The following PLEKHA7 variants were observed in gnomAD, a reference collection of about 807,000 sequenced individuals.
PLEKHA7 encodes the protein pleckstrin homology domain-containing family A member 7.
A neutral mutation model predicts 170.0 loss-of-function variants in PLEKHA7; 104 were observed. That is an observed-to-expected ratio of 0.61 (90% CI 0.52 to 0.72). The LOEUF (loss-of-function observed/expected upper bound fraction) is 0.72, where lower values mean the gene tolerates loss of function less well. Ranked by LOEUF, PLEKHA7 falls within the 30% of genes least tolerant of loss-of-function variation. The pLI is 0.00. For missense variants in PLEKHA7, 1,615 were observed against 1,671.7 expected (o/e 0.97, Z 0.59); for synonymous variants, 648 against 660.8 (o/e 0.98, Z 0.30).
chr11:16,910,369 T>G (rs1257865116), intron 3 of PLEKHA7, among the ~76,000 whole-genome samples: 1 of 152,230 alleles, frequency 6.6e-6, no homozygotes, highest in Non-Finnish European at 1.5e-5. Context: ...TTTCCAAGCT[T>G]ATTTATGCCT....
chr11:16,900,119 G>T (rs1426843002), intron 3 of PLEKHA7, among the ~76,000 whole-genome samples: 1 of 152,222 alleles, frequency 6.6e-6, no homozygotes, highest in Admixed American at 6.5e-5. Context: ...CCCAGAGCAT[G>T]TCACTGTCCA....
intron 9 of PLEKHA7, among the ~76,000 whole-genome samples, chr11:16,829,958 G>C (rs1027545086): frequency 6.6e-6 from 1 of 151,052 alleles, no homozygotes; most frequent in Non-Finnish European, 1.5e-5. Flanking sequence ...CAGTCCTCAA[G>C]TTGCCTAAGT....
intron 3 of PLEKHA7, among the ~76,000 whole-genome samples, chr11:16,966,665 C>T (rs796713405): frequency 6.6e-6 from 1 of 151,920 alleles, no homozygotes; most frequent in Non-Finnish European, 1.5e-5. Flanking sequence ...CCTTGGGTTC[C>T]GTTTCCTTAA....
In PLEKHA7 at chr11:16,791,316, A is replaced by C. The variant is rs1476402039; in HGVS notation, c.2746-117T>G. ...GAACAGGCCACATCAGAGCCACAGA[A>C]CATGACTGCCTCAGCCAAGGAGCAC... On this transcript the variant is annotated intron_variant, in intron 19 of 26. Transcript: ENST00000531066. The surrounding 1 kb of genome is among the most constrained non-coding windows in gnomAD (Gnocchi z 4.5). The C allele has an allele frequency of 1.0e-6, 1 of 990,608 alleles. No individual in the cohort carries two copies. The highest frequency in any genetic ancestry group is 1.6e-5 in the African/African-American group (1 of 60,816). 61.4% of individuals were successfully genotyped at this position (990,608 alleles called of 1,614,324 possible). A position where few individuals can be genotyped will look rare whatever the true frequency, so the allele number is the denominator to read the frequency against.
At chr11:16,965,309 C>A (rs564664114) in intron 3 of PLEKHA7, among the ~76,000 whole-genome samples, 6 of 140,848 alleles carry the variant, frequency 4.3e-5, no homozygotes, top group Non-Finnish European at 9.2e-5. Flanking sequence ...GATGACAGCA[C>A]GAGACTGTCT....
At chr11:16,898,973 C>T (rs960056524) in intron 3 of PLEKHA7, among the ~76,000 whole-genome samples, 2 of 152,148 alleles carry the variant, frequency 1.3e-5, no homozygotes, top group African/African-American at 4.8e-5. Context: ...CTATAAAACA[C>T]CAATTTTGTA....
chr11:16,986,028 A>G (rs2136904333), intron 3 of PLEKHA7, among the ~76,000 whole-genome samples: 1 of 152,354 alleles, frequency 6.6e-6, no homozygotes, highest in East Asian at 1.9e-4. Flanking sequence ...CATAGGAATT[A>G]CCTGGATGGA....
intron 9 of PLEKHA7, among the ~76,000 whole-genome samples, chr11:16,826,919 G>A (rs910944980): frequency 3.9e-5 from 6 of 152,116 alleles, no homozygotes; most frequent in African/African-American, 1.4e-4. Flanking sequence ...TCGGCCAGTG[G>A]CCCACCTGGC....
chr11:16,861,138 T>C (rs1350641146), intron 4 of PLEKHA7, among the ~76,000 whole-genome samples: 1 of 152,128 alleles, frequency 6.6e-6, no homozygotes, highest in Non-Finnish European at 1.5e-5. Context: ...AACATCCCAA[T>C]AGCATCTTAT....
intron 3 of PLEKHA7, among the ~76,000 whole-genome samples, chr11:16,947,003 G>A (rs962980079): frequency 6.6e-5 from 10 of 152,156 alleles, no homozygotes; most frequent in Non-Finnish European, 1.3e-4. Context: ...GTTCCAAAAC[G>A]CAGCTGCGCC....
At chr11:16,970,670 AAAAAACAAAAAC>A (rs143626244) in intron 3 of PLEKHA7, among the ~76,000 whole-genome samples, 2,469 of 152,246 alleles carry the variant, frequency 0.016, 65 homozygotes, top group African/African-American at 0.046. Context: ...CCATCTCAAA[AAAAAACAAAAAC>A]AAAAACAAAA....
At chr11:16,822,693 G>A (rs1850330850) in intron 10 of PLEKHA7, among the ~76,000 whole-genome samples, 1 of 152,048 alleles carries the variant, frequency 6.6e-6, no homozygotes, top group Non-Finnish European at 1.5e-5. Flanking sequence ...CCTTAGGCTA[G>A]GGGTCCTCAG....
chr11:16,959,070 C>T (rs555184155), intron 3 of PLEKHA7, among the ~76,000 whole-genome samples: 4 of 152,248 alleles, frequency 2.6e-5, no homozygotes, highest in Admixed American at 6.5e-5. Context: ...ACTGTTGTTT[C>T]GTTTTTTGTT....
At chr11:16,966,650 T>C (rs139253554) in intron 3 of PLEKHA7, among the ~76,000 whole-genome samples, 1 of 152,020 alleles carries the variant, frequency 6.6e-6, no homozygotes, top group East Asian at 1.9e-4. Context: ...AGAATCCAAG[T>C]GGAGCCTTGG....
chr11:16,885,204 C>G lies in PLEKHA7; in HGVS notation c.222-14022G>C, dbSNP rs546912740. Among the ~76,000 whole-genome samples the G allele has an allele frequency of 1.8e-4, 27 of 152,056 alleles. 1 individual carries two copies. In the South Asian group the frequency reaches 5.4e-3, roughly 30 times the overall value. ...AATTATCCAGGTGTGGTGGCACATG[C>G]CTGTAATCTCAGCTACTCAGGAGGC... On this transcript the variant is annotated intron_variant, in intron 3 of 26. Coordinates refer to ENST00000531066, the MANE Select transcript of PLEKHA7 (RefSeq NM_001329630.2).
intron 3 of PLEKHA7, among the ~76,000 whole-genome samples, chr11:16,949,005 T>A (rs1331657545): frequency 6.6e-6 from 1 of 152,182 alleles, no homozygotes; most frequent in Non-Finnish European, 1.5e-5. Context: ...CTGCTTCCCC[T>A]TGTGCCTGTC....
chr11:16,932,998 A>G (rs979978452), intron 3 of PLEKHA7, among the ~76,000 whole-genome samples: 1 of 152,266 alleles, frequency 6.6e-6, no homozygotes, highest in Non-Finnish European at 1.5e-5. Context: ...CAAAGACAAT[A>G]GGAAGCCATG....
At chr11:16,845,006 T>C (rs1341316350) in intron 8 of PLEKHA7, among the ~76,000 whole-genome samples, 3 of 152,244 alleles carry the variant, frequency 2.0e-5, no homozygotes, top group African/African-American at 7.2e-5. Flanking sequence ...GACAAGTAAC[T>C]ACAGCTGTAT....
chr11:16,854,047 GA>G (rs1302667755), intron 6 of PLEKHA7, among the ~76,000 whole-genome samples: 1 of 152,212 alleles, frequency 6.6e-6, no homozygotes, highest in African/African-American at 2.4e-5. Flanking sequence ...GGTAGCTGAT[GA>G]GTTCCTCGAG....
Sources: gnomAD v4.1 joint callset for allele counts (sites outside exome capture counted in the v4.1 genomes callset) on GRCh38, gnomAD v4.1.1 for gene constraint, Gnocchi (gnomAD v3.1) non-coding constraint, MANE v1.5 for transcripts, NCBI Gene and HGNC (gene_info 2026-07-23, HGNC 2026-07-21) for gene names.